MMP26: variants seen among roughly 807,000 people sequenced by gnomAD.
MMP26 encodes the protein matrix metallopeptidase 26.
Under a neutral mutation model 31.0 loss-of-function variants are expected in MMP26, and 33 were observed. The observed-to-expected ratio is 1.06, with a 90% CI of 0.81 to 1.42. The LOEUF (loss-of-function observed/expected upper bound fraction) is 1.42. MMP26 is among the 40% of genes most tolerant of loss of function. The probability of loss-of-function intolerance (pLI) is 0.00; values close to 1 mark genes in which losing one functional copy is unlikely to be tolerated. For missense variants in MMP26, 347 were observed against 316.1 expected (o/e 1.10, Z -0.74); for synonymous variants, 122 against 114.9 (o/e 1.06, Z -0.40).
At chr11:4,987,619 C>G (rs1015173649) in intron 2 of MMP26, among the ~76,000 whole-genome samples, 1 of 151,768 alleles carries the variant, frequency 6.6e-6, no homozygotes, top group African/African-American at 2.4e-5. Flanking sequence ...GGGGTTTCAC[C>G]GTGTTAGCCA....
intron 2 of MMP26, chr11:4,914,823 T>C: frequency 1.9e-6 from 3 of 1,613,866 alleles, no homozygotes; most frequent in Non-Finnish European, 2.5e-6. Flanking sequence ...ATGAAACCCA[T>C]GACCACCTGG....
chr11:4,990,822 A>AT, intron 5 of MMP26, 76 bp downstream of exon 5: 2 of 1,437,588 alleles, frequency 1.4e-6, no homozygotes, highest in Non-Finnish European at 1.9e-6. Context: ...CTTAAACAAA[A>AT]ACCTAGCCCC....
At chr11:4,986,514 T>C (rs1021325769) in intron 2 of MMP26, among the ~76,000 whole-genome samples, 3 of 16,636 alleles carry the variant, frequency 1.8e-4, no homozygotes, top group Admixed American at 1.5e-3. Flanking sequence ...CCAGTCGATT[T>C]TTTTTTTTTT....
Position 4,893,580 on chromosome 11 carries a change from G to A in MMP26, c.-144-94488G>A, listed in dbSNP as rs140617934. ...CAGTCATACTCTTTCCTTTTGTTCCGATTCATTTCTCTTAAGCAGTCTTAT... is the reference window on the plus strand; with the variant it reads ...CAGTCATACTCTTTCCTTTTGTTCCAATTCATTTCTCTTAAGCAGTCTTAT... On this transcript the variant is annotated intron_variant, in intron 2 of 7. Coordinates refer to ENST00000380390, the MANE Select transcript of MMP26 (RefSeq NM_021801.5). 4.5e-4 allele frequency among the ~76,000 whole-genome samples: 69 copies of A among 152,168 alleles called. 1 individual carries two copies. The highest frequency in any genetic ancestry group is 1.5e-3 in the African/African-American group (63 of 41,524).
chr11:4,810,356 G>T (rs1270960056), intron 2 of MMP26, among the ~76,000 whole-genome samples: 1 of 152,098 alleles, frequency 6.6e-6, no homozygotes, highest in East Asian at 1.9e-4. Flanking sequence ...ATAAACACAT[G>T]TATAAGGCAC....
chr11:4,873,443 C>T (rs141512196), intron 2 of MMP26, among the ~76,000 whole-genome samples: 220 of 152,156 alleles, frequency 1.4e-3, no homozygotes, highest in Middle Eastern at 0.01. Flanking sequence ...GAGACAGATC[C>T]ACCAAATCCA....
chr11:4,964,041 T>A (rs1217848922), intron 2 of MMP26, among the ~76,000 whole-genome samples: 2 of 152,142 alleles, frequency 1.3e-5, no homozygotes, highest in African/African-American at 2.4e-5. Flanking sequence ...TTGCAAAAAA[T>A]TTCTCTCATT....
chr11:4,944,372 T>C (rs369031039), intron 2 of MMP26: 1 of 158,206 alleles, frequency 6.3e-6, no homozygotes, highest in Non-Finnish European at 1.4e-5. Flanking sequence ...CTAAAATAAA[T>C]AGGAAAAAAC....
intron 2 of MMP26, among the ~76,000 whole-genome samples, chr11:4,902,710 C>T (rs915857477): frequency 1.3e-5 from 2 of 152,172 alleles, no homozygotes; most frequent in Admixed American, 1.3e-4. Context: ...CTAGAATAGC[C>T]CAATGACATT....
rs373934497 is a variant in MMP26, at chr11:4,875,329, C to T, written c.-145+107988C>T. 5.9e-5 allele frequency: 9 copies of T among 152,206 alleles called. No homozygotes were observed. In the East Asian group the frequency reaches 1.7e-3, roughly 29 times the overall value. 9.4% of individuals were successfully genotyped at this position (152,206 alleles called of 1,614,324 possible). On this transcript the variant is annotated intron_variant, in intron 2 of 7. Transcript: ENST00000380390. ...GACTAAAGCAACTCTTCTGTGGCTCCTGGGTATCTGTTTTCTATTGCTGCC... is the reference window on the plus strand; with the variant it reads ...GACTAAAGCAACTCTTCTGTGGCTCTTGGGTATCTGTTTTCTATTGCTGCC...
At chr11:4,804,372 C>T in intron 2 of MMP26, 1 of 1,613,774 alleles carries the variant, frequency 6.2e-7, no homozygotes, top group Non-Finnish European at 8.5e-7. Flanking sequence ...TCCCTGAAGC[C>T]AGCACCATGG....
chr11:4,804,414 A>T (rs975179748), intron 2 of MMP26: 2 of 1,476,104 alleles, frequency 1.4e-6, no homozygotes, highest in South Asian at 1.1e-5. Flanking sequence ...TGGGAACGCA[A>T]TCTACTCTCT....
At chr11:4,987,577 C>A (rs1043298005) in intron 2 of MMP26, among the ~76,000 whole-genome samples, 2 of 152,048 alleles carry the variant, frequency 1.3e-5, no homozygotes, top group Non-Finnish European at 2.9e-5. Flanking sequence ...CACCACCACA[C>A]CCGGCTAATT....
chr11:4,962,444 C>A (rs1373072838), intron 2 of MMP26, among the ~76,000 whole-genome samples: 1 of 151,924 alleles, frequency 6.6e-6, no homozygotes, highest in East Asian at 1.9e-4. Context: ...ATATTTAAAC[C>A]TGATTAGAAG....
At chr11:4,838,093 G>A (rs1405237582) in intron 2 of MMP26, among the ~76,000 whole-genome samples, 7 of 151,382 alleles carry the variant, frequency 4.6e-5, no homozygotes, top group East Asian at 1.9e-4. Context: ...TGAGGCAGGC[G>A]GATCACGAGG....
intron 1 of MMP26, among the ~76,000 whole-genome samples, chr11:4,755,041 T>C (rs1419864944): frequency 6.6e-6 from 1 of 151,986 alleles, no homozygotes; most frequent in African/African-American, 2.4e-5. Context: ...AATTCAGAAA[T>C]CTGCATAGAC....
intron 2 of MMP26, among the ~76,000 whole-genome samples, chr11:4,816,789 C>T (rs1353355179): frequency 2.0e-5 from 3 of 147,624 alleles, no homozygotes; most frequent in African/African-American, 7.5e-5. Context: ...CTGCAAGCTC[C>T]GCCTCATGGG....
At chr11:4,709,857 G>A in intron 1 of MMP26, 2 of 457,070 alleles carry the variant, frequency 4.4e-6, no homozygotes, top group Non-Finnish European at 8.8e-6. Context: ...AATCAGTTTT[G>A]ATGCCTGCAT....
At chr11:4,742,142 AAATC>A in intron 1 of MMP26, among the ~76,000 whole-genome samples, 1 of 152,330 alleles carries the variant, frequency 6.6e-6, no homozygotes, top group Non-Finnish European at 1.5e-5. Context: ...CAAATACTGA[AAATC>A]AGACAGATAC....
Sources: gnomAD v4.1 joint callset for allele counts (sites outside exome capture counted in the v4.1 genomes callset) on GRCh38, gnomAD v4.1.1 for gene constraint, MANE v1.5 for transcripts, NCBI Gene and HGNC (gene_info 2026-07-23, HGNC 2026-07-21) for gene names.